The following TLK1 variants were observed in gnomAD, a reference collection of about 807,000 sequenced individuals.
TLK1 encodes the protein serine/threonine-protein kinase tousled-like 1.
Under a neutral mutation model 105.3 loss-of-function variants are expected in TLK1, and 24 were observed. The ratio of observed to expected loss-of-function variants is 0.23; its 90% CI spans 0.17 to 0.32. The LOEUF (loss-of-function observed/expected upper bound fraction) is 0.32, where lower values mean the gene tolerates loss of function less well. Among genes scored for constraint, TLK1 ranks in the 10% least tolerant of loss-of-function variants. The probability of loss-of-function intolerance (pLI) is 1.00; values close to 1 mark genes in which losing one functional copy is unlikely to be tolerated. For missense variants in TLK1, 558 were observed against 910.5 expected, an observed-to-expected ratio of 0.61 and a Z score of 4.98; for synonymous variants, 321 against 310.4, an observed-to-expected ratio of 1.03 and a Z score of -0.36.
chr2:171,204,293 CTGGCTACACTGA>C (rs1693458818), intron 1 of TLK1, among the ~76,000 whole-genome samples: 4 of 152,152 alleles, frequency 2.6e-5, no homozygotes, highest in Admixed American at 2.6e-4. Flanking sequence ...TGCTATCGTC[CTGGCTACACTGA>C]TACTAAAATG....
chr2:171,058,945 CTT>C (rs1403637960), intron 4 of TLK1, among the ~76,000 whole-genome samples: 19 of 152,102 alleles, frequency 1.2e-4, no homozygotes, highest in Admixed American at 1.2e-3. Flanking sequence ...TCAATGCTGA[CTT>C]ATTTCATGAT....
intron 1 of TLK1, among the ~76,000 whole-genome samples, chr2:171,174,404 T>C (rs1057006587): frequency 6.6e-6 from 1 of 152,238 alleles, no homozygotes; most frequent in Non-Finnish European, 1.5e-5. Flanking sequence ...CACATTGTTA[T>C]ATGATTGTAA....
At chr2:171,139,365 G>C (rs534399986) in intron 1 of TLK1, among the ~76,000 whole-genome samples, 122 of 152,032 alleles carry the variant, frequency 8.0e-4, no homozygotes, top group Non-Finnish European at 1.3e-3. Flanking sequence ...TGGGAGGCAG[G>C]GGCGGGCAGA....
At chr2:171,181,559 G>A (rs1692928860) in intron 1 of TLK1, among the ~76,000 whole-genome samples, 1 of 152,186 alleles carries the variant, frequency 6.6e-6, no homozygotes, top group African/African-American at 2.4e-5. Flanking sequence ...ATCTGCTTCT[G>A]GTAAGAGCCT....
intron 18 of TLK1, among the ~76,000 whole-genome samples, chr2:171,000,276 G>A (rs1247279255): frequency 6.6e-6 from 1 of 151,552 alleles, no homozygotes; most frequent in Non-Finnish European, 1.5e-5. Context: ...TACTTGGGAG[G>A]CTGAGGCAGG....
At chr2:171,065,589 G>A (rs1318498565) in intron 3 of TLK1, among the ~76,000 whole-genome samples, 2 of 151,062 alleles carry the variant, frequency 1.3e-5, no homozygotes, top group South Asian at 2.1e-4. Flanking sequence ...CCAGGCTGGA[G>A]TGCAGCGGCG....
At chr2:171,015,053 T>C in intron 12 of TLK1, 105 bp from the exon 13 acceptor site, 1 of 821,188 alleles carries the variant, frequency 1.2e-6, no homozygotes, top group Non-Finnish European at 2.0e-6. Context: ...AAGAATAGTA[T>C]ATTATAAAGT....
intron 1 of TLK1, among the ~76,000 whole-genome samples, chr2:171,227,295 T>C (rs896078335): frequency 6.6e-6 from 1 of 152,188 alleles, no homozygotes; most frequent in Non-Finnish European, 1.5e-5. Flanking sequence ...GTGACTCAAC[T>C]TGGGCCAATG....
chr2:171,019,873 C>T (rs1685404653), intron 12 of TLK1, among the ~76,000 whole-genome samples: 1 of 152,048 alleles, frequency 6.6e-6, no homozygotes, highest in Admixed American at 6.5e-5. Context: ...GCCTGGCCAA[C>T]ATGGCAAAAT....
intron 1 of TLK1, among the ~76,000 whole-genome samples, chr2:171,145,932 G>T (rs573759932): frequency 7.3e-4 from 111 of 152,144 alleles, no homozygotes; most frequent in African/African-American, 2.5e-3. Flanking sequence ...GATGGGGAAG[G>T]AGAGTGTTTG....
chr2:171,011,333 C>T (rs1684905937), intron 14 of TLK1, 40 bp downstream of exon 14: 5 of 1,543,784 alleles, frequency 3.2e-6, no homozygotes, highest in African/African-American at 1.4e-5. Flanking sequence ...TATATCCTTG[C>T]TACATTAGTG....
chr2:171,194,644 C>A (rs973399542), intron 1 of TLK1, among the ~76,000 whole-genome samples: 1 of 151,714 alleles, frequency 6.6e-6, no homozygotes, highest in African/African-American at 2.4e-5. Context: ...GGTGAAACTC[C>A]ATCTCTACTA....
At chr2:171,029,641 T>TA (rs1685944190) in intron 11 of TLK1, among the ~76,000 whole-genome samples, 1 of 152,126 alleles carries the variant, frequency 6.6e-6, no homozygotes, top group Admixed American at 6.5e-5. Context: ...TTCAAAATCT[T>TA]AATTATAAAT....
rs1285266611 is a variant in TLK1, at chr2:171,024,634, T to C, written c.1236+3705A>G. 3.3e-5 allele frequency among the ~76,000 whole-genome samples: 5 copies of C among 152,158 alleles called. No homozygotes were observed. The East Asian group carries it at 9.6e-4, about 29-fold the overall frequency. On this transcript the variant is annotated intron_variant, in intron 12 of 20. Transcript: ENST00000431350. ...ATCTACAACAAAATAATTCTAGGAA[T>C]TAACTACATGGGTACAGTCATTGAA... is the stretch of plus-strand genomic sequence containing the variant.
intron 1 of TLK1, among the ~76,000 whole-genome samples, chr2:171,134,786 A>G (rs941676088): frequency 7.2e-6 from 1 of 138,416 alleles, no homozygotes; most frequent in Non-Finnish European, 1.5e-5. Flanking sequence ...GCTGGCGAGC[A>G]GTAGTGCCAT....
rs762238440 is a variant in TLK1, at chr2:171,053,740, C to T, written c.732+21G>A. ...CAAATAATTTATTCAATTTTTTTCCCCTCTATGACTCATTACTTACCCTGA... is the reference window on the plus strand; with the variant it reads ...CAAATAATTTATTCAATTTTTTTCCTCTCTATGACTCATTACTTACCCTGA... On this transcript the variant is annotated intron_variant, in intron 8 of 20. Coordinates refer to ENST00000431350, the MANE Select transcript of TLK1 (RefSeq NM_012290.5). 3.9e-6 allele frequency: 6 copies of T among 1,530,076 alleles called. No individual in the cohort carries two copies. In the South Asian group the frequency reaches 6.1e-5, roughly 15 times the overall value. The allele number at this position is 1,530,076 out of a possible 1,614,324, so 94.8% of individuals were successfully genotyped here. A position where few individuals can be genotyped will look rare whatever the true frequency, so the allele number is the denominator to read the frequency against.
intron 7 of TLK1, chr2:171,054,082 C>T (rs7603340): frequency 0.31 from 111,236 of 353,438 alleles, 19,004 homozygotes; most frequent in African/African-American, 0.38. Context: ...ACTGATGTTC[C>T]TCATTATAAT....
chr2:171,091,235 G>C lies in TLK1; in HGVS notation c.259-8383C>G, dbSNP rs186228876. ...AAAAAGTTTGCCGACCTCTGCTACA[G>C]ACATACGAAAATCACAAAAATCAGT... On this transcript the variant is annotated intron_variant, in intron 2 of 20. Transcript: ENST00000431350. Among the ~76,000 whole-genome samples the C allele has an allele frequency of 1.9e-4, 29 of 152,258 alleles. 1 individual carries two copies. The East Asian group carries it at 5.6e-3, about 29-fold the overall frequency.
intron 1 of TLK1, among the ~76,000 whole-genome samples, chr2:171,156,401 T>C (rs550594522): frequency 1.6e-4 from 25 of 152,364 alleles, no homozygotes; most frequent in African/African-American, 6.0e-4. Flanking sequence ...GAAATTGTCA[T>C]TTAATTTCTA....
Sources: allele counts gnomAD v4.1 joint callset (sites outside exome capture counted in the v4.1 genomes callset), GRCh38; gene constraint gnomAD v4.1.1; transcripts MANE v1.5; gene names NCBI Gene and HGNC (gene_info 2026-07-23, HGNC 2026-07-21).